The following FNIP1 variants were observed in gnomAD, a reference collection of about 807,000 sequenced individuals.
FNIP1 encodes folliculin-interacting protein 1.
FNIP1 carries 40 observed loss-of-function variants against 124.5 expected under a neutral mutation model. The observed-to-expected ratio is 0.32, with a 90% confidence interval of 0.25 to 0.42. The LOEUF is 0.42. Among genes scored for constraint, FNIP1 ranks in the 10% least tolerant of loss-of-function variants. FNIP1 has a pLI of 1.00. For synonymous variants in FNIP1, 472 were observed against 470.6 expected (o/e 1.00, Z -0.04); for missense variants, 1,176 against 1,403.7 (o/e 0.84, Z 2.59).
chr5:131,667,884 G>C (rs1476279168), intron 15 of FNIP1, among the ~76,000 whole-genome samples: 1 of 152,070 alleles, frequency 6.6e-6, no homozygotes, highest in Non-Finnish European at 1.5e-5. Flanking sequence ...CACCATTCCG[G>C]GCCTCTCTAT....
At chr5:131,665,546 T>C (rs2149511840) in intron 15 of FNIP1, among the ~76,000 whole-genome samples, 1 of 151,022 alleles carries the variant, frequency 6.6e-6, no homozygotes, top group Admixed American at 6.6e-5. Flanking sequence ...TTAAATATGA[T>C]AAACTTTAAG....
intron 17 of FNIP1, 38 bp downstream of exon 17, chr5:131,647,052 C>T: frequency 6.4e-7 from 1 of 1,562,434 alleles, no homozygotes; most frequent in South Asian, 1.1e-5. Context: ...GATGACAGGG[C>T]AATGAAAGCA....
In FNIP1 at chr5:131,671,946, C is replaced by T; in HGVS notation, c.2498G>A (p.Ser833Asn). ...CWNHSDPESM[S>N]LFDEYFNDDS... ...ATCATTAAAATATTCGTCGAATAAG[C>T]TCATGCTTTCTGGGTCTGAATGATT... The change falls in exon 14 of 18, where the codon AGC (serine) becomes AAC (asparagine). Residue 833 changes from serine (S) to asparagine (N), a missense_variant. This residue lies in a region of FNIP1 where 1,109 missense variants were observed against 1,288.5 expected (regional missense o/e 0.86). Coordinates refer to ENST00000510461, the MANE Select transcript of FNIP1 (RefSeq NM_133372.3). 3 of 1,614,192 alleles carry T rather than the reference C, an allele frequency of 1.9e-6. No individual in the cohort carries two copies. Among genetic ancestry groups the T allele is most frequent in the Non-Finnish European group, 2.5e-6 (3 of 1,180,038 alleles).
At chr5:131,796,515 G>A (rs373919160) in intron 1 of FNIP1, 42 of 393,298 alleles carry the variant, frequency 1.1e-4, no homozygotes, top group Non-Finnish European at 1.8e-4. Context: ...CCAGGAAGGC[G>A]TGTGGACCCA....
chr5:131,685,576 G>C (rs968940651), intron 11 of FNIP1, among the ~76,000 whole-genome samples: 2 of 151,254 alleles, frequency 1.3e-5, no homozygotes, highest in African/African-American at 4.9e-5. Context: ...CCTGCCTCAG[G>C]CTCCTCAGTA....
At chr5:131,755,800 G>A (rs1319804360) in intron 1 of FNIP1, among the ~76,000 whole-genome samples, 1 of 152,080 alleles carries the variant, frequency 6.6e-6, no homozygotes, top group Non-Finnish European at 1.5e-5. Flanking sequence ...CCTGAGGTCA[G>A]GAGTTCGAGA....
intron 16 of FNIP1, among the ~76,000 whole-genome samples, chr5:131,649,048 ATCCAT>A (rs1279978186): frequency 2.0e-5 from 3 of 152,182 alleles, no homozygotes; most frequent in Non-Finnish European, 4.4e-5. Context: ...CATTTTGTTT[ATCCAT>A]TCATTTGCTG....
chr5:131,768,480 T>TA (rs1359468899), intron 1 of FNIP1, among the ~76,000 whole-genome samples: 1 of 127,896 alleles, frequency 7.8e-6, no homozygotes, highest in South Asian at 2.4e-4. Flanking sequence ...TTTTTTTTTT[T>TA]AAAAAGGGGG....
chr5:131,748,935 T>C lies in FNIP1; in HGVS notation c.93-4245A>G, dbSNP rs191007654. Among the ~76,000 whole-genome samples the C allele has an allele frequency of 3.3e-3, 501 of 152,222 alleles. 4 individuals carry two copies. Among genetic ancestry groups the C allele is most frequent in the African/African-American group, 0.011 (473 of 41,556 alleles). The stretch of plus-strand genomic sequence containing the variant: ...TGGGACAAGATGTGGAGATGGAAGA[T>C]AGTGGTACTGATAATCCTGACTCTA... On this transcript the variant is annotated intron_variant, in intron 1 of 17. Coordinates refer to ENST00000510461, the MANE Select transcript of FNIP1 (RefSeq NM_133372.3).
In FNIP1 at chr5:131,704,135, T is replaced by A. The variant is rs969089233; in HGVS notation, c.1046A>T (p.Asn349Ile). 6.2e-7 allele frequency: 1 copy of A among 1,612,996 alleles called. No individual in the cohort carries two copies. Among genetic ancestry groups the A allele is most frequent in the Admixed American group, 1.7e-5 (1 of 60,008 alleles). Residue 349 changes from asparagine (N) to isoleucine (I), a missense_variant, in exon 10 of 18, where the codon AAT becomes ATT. Transcript: ENST00000510461. ...SKDEDENNKF[N>I]EFFFSHFPLF... ...AGGAAAATGTGAAAAAAAGAATTCA[T>A]TAAATTTGTTATTTTCATCTTCATC...
Position 131,642,130 on chromosome 5 carries a change from T to A in FNIP1, c.*2555A>T, listed in dbSNP as rs1438267343. ...TTTCCTGTTTCAATAAACAGGTTTT[T>A]TTTGATATGTAACAACTGTCTGTAC... On this transcript the variant is annotated 3_prime_UTR_variant, in exon 18 of 18. Coordinates refer to ENST00000510461, the MANE Select transcript of FNIP1 (RefSeq NM_133372.3). The A allele has an allele frequency of 6.5e-6, 1 of 152,794 alleles. No homozygotes were observed. Among genetic ancestry groups the A allele is most frequent in the African/African-American group, 2.4e-5 (1 of 41,452 alleles). The allele number at this position is 152,794 out of a possible 1,614,324, so 9.5% of individuals were successfully genotyped here.
At chr5:131,707,567 G>A (rs945781128) in intron 8 of FNIP1, among the ~76,000 whole-genome samples, 4 of 152,108 alleles carry the variant, frequency 2.6e-5, no homozygotes, top group Non-Finnish European at 5.9e-5. Context: ...GACCATCAAT[G>A]AACTCATTCT....
intron 2 of FNIP1, among the ~76,000 whole-genome samples, chr5:131,734,068 G>C (rs1009499202): frequency 2.0e-5 from 3 of 152,146 alleles, no homozygotes; most frequent in African/African-American, 7.2e-5. Context: ...GAGGATGTAT[G>C]TGTTGAGGAA....
Sources: allele counts gnomAD v4.1 joint callset (sites outside exome capture counted in the v4.1 genomes callset), GRCh38; gene constraint gnomAD v4.1.1; regional missense constraint gnomAD v4.1.1; transcripts MANE v1.5; gene names NCBI Gene and HGNC (gene_info 2026-07-23, HGNC 2026-07-21).